Variants in ZNF865 observed in about 807,000 individuals in gnomAD.
ZNF865 encodes zinc finger protein 865.
For synonymous variants in ZNF865, 763 were observed against 750.8 expected (o/e 1.02, Z -0.27); for missense variants, 1,311 against 1,593.4 (o/e 0.82, Z 3.02).
rs1054225781 is a variant in ZNF865, at chr19:55,616,530, A to G, written c.2912A>G (p.Tyr971Cys). 1.3e-6 allele frequency: 2 copies of G among 1,534,540 alleles called. No individual in the cohort carries two copies. Among genetic ancestry groups the G allele is most frequent in the South Asian group, 1.2e-5 (1 of 83,994 alleles). Residue 971 changes from tyrosine to cysteine, a missense_variant, in exon 2 of 2, where the codon TAC becomes TGC. Physicochemically the swap from Tyr to Cys is radical, Grantham distance 194 (BLOSUM62 -2). Transcript: ENST00000568956. The part of the protein sequence containing the change: ...RCEHCGKGFF[Y>C]LSSVLRHQRA... ...GAGCACTGCGGCAAGGGCTTCTTCT[A>G]CCTGAGCTCCGTGCTGCGCCACCAG... is the stretch of plus-strand genomic sequence containing the variant.
Position 55,616,342 on chromosome 19 carries a change from G to C in ZNF865, c.2724G>C (p.Val908=), listed in dbSNP as rs779827469. The change falls in exon 2 of 2, where the codon GTG becomes GTC. Residue 908 remains valine, a synonymous_variant. Coordinates refer to ENST00000568956, the MANE Select transcript of ZNF865 (RefSeq NM_001195605.2). ...GCGAGCGGGCCTTCAAGTGCGGCGT[G>C]TGCGCCAAGCGCTTCGCGCAGTCGT... ...HTGERAFKCG[V]CAKRFAQSSS... 1.4e-5 allele frequency: 22 copies of C among 1,522,682 alleles called. 1 individual carries two copies. In the South Asian group the frequency reaches 2.4e-4, roughly 17 times the overall value. 94.3% of individuals were successfully genotyped at this position (1,522,682 alleles called of 1,614,324 possible).
Position 55,613,865 on chromosome 19 carries a change from T to C in ZNF865, c.247T>C (p.Ser83Pro). The C allele has an allele frequency of 8.3e-7, 1 of 1,198,370 alleles. No homozygotes were observed. Among genetic ancestry groups the C allele is most frequent in the African/African-American group, 1.9e-5 (1 of 51,300 alleles). 74.2% of individuals were successfully genotyped at this position (1,198,370 alleles called of 1,614,324 possible). ...CCCGCAGTATGACTACCCGCCCCAG[T>C]CCACCTTCAAGCCCAAGGCGGAGGT... is the stretch of plus-strand genomic sequence containing the variant. ...PPPQYDYPPQSTFKPKAEVPS... is the reference protein window; with the variant it reads ...PPPQYDYPPQPTFKPKAEVPS... The change falls in exon 2 of 2, where the codon TCC becomes CCC. Residue 83 changes from serine (S) to proline (P), a missense_variant. Transcript: ENST00000568956.
In ZNF865 at chr19:55,613,577, GTCC is replaced by G. The variant is rs947932267; in HGVS notation, c.-26-10_-26-8del. On this transcript the variant is annotated splice_polypyrimidine_tract_variant and intron_variant, in intron 1 of 1. Coordinates refer to ENST00000568956, the MANE Select transcript of ZNF865 (RefSeq NM_001195605.2). ...GCGCCGCGGCCGTGTCCTCAGCCCC[GTCC>G]TCCTCTTCACAGGGTCTCCCGTCTC... 5.4e-4 allele frequency: 802 copies of G among 1,484,040 alleles called. No homozygotes were observed. The highest frequency in any genetic ancestry group is 9.0e-4 in the Admixed American group (40 of 44,604). The allele number at this position is 1,484,040 out of a possible 1,614,324, so 91.9% of individuals were successfully genotyped here. A position where few individuals can be genotyped will look rare whatever the true frequency, so the allele number is the denominator to read the frequency against.
chr19:55,614,513 C>T lies in ZNF865; in HGVS notation c.895C>T (p.Pro299Ser). The T allele has an allele frequency of 7.4e-7, 1 of 1,357,520 alleles. No individual in the cohort carries two copies. The highest frequency in any genetic ancestry group is 9.4e-7 in the Non-Finnish European group (1 of 1,062,496). 84.1% of individuals were successfully genotyped at this position (1,357,520 alleles called of 1,614,324 possible). Residue 299 changes from proline to serine, a missense_variant, in exon 2 of 2, where the codon CCC becomes TCC. Transcript: ENST00000568956. This position sits in a 1 kb window ranked among gnomAD's most constrained non-coding sequence, Gnocchi z 8.0. ...CCTCCCGCCGCTGGGCCTCCCAGCA[C>T]CCGCTGCCAGCGCCGCCACCGCCGC... ...PHLPPLGLPA[P>S]AASAATAAAP... is the part of the protein sequence containing the mutation.
At chr19:55,606,719 G>T (rs1980957586) in intron 1 of ZNF865, among the ~76,000 whole-genome samples, 1 of 152,232 alleles carries the variant, frequency 6.6e-6, no homozygotes, top group East Asian at 1.9e-4. Flanking sequence ...CATTCCTTCT[G>T]CGTTGAACGC....
In ZNF865 at chr19:55,617,134, G is replaced by A. The variant is rs1029668556; in HGVS notation, c.*336G>A. 9 of 183,138 alleles carry A rather than the reference G, an allele frequency of 4.9e-5. No individual in the cohort carries two copies. Among genetic ancestry groups the A allele is most frequent in the African/African-American group, 2.1e-4 (9 of 41,926 alleles). The allele number at this position is 183,138 out of a possible 1,614,324, so 11.3% of individuals were successfully genotyped here. On this transcript the variant is annotated 3_prime_UTR_variant, in exon 2 of 2. Transcript: ENST00000568956. The stretch of plus-strand genomic sequence containing the variant: ...GCCCCTCCCCCTCCTTTGGAATCTG[G>A]CTGGACAGTGGAGTATGAGCAGAGT...
chr19:55,615,849 A>C lies in ZNF865; in HGVS notation c.2231A>C (p.Asp744Ala). 6.7e-7 allele frequency: 1 copy of C among 1,496,492 alleles called. No individual in the cohort carries two copies. Among genetic ancestry groups the C allele is most frequent in the South Asian group, 1.3e-5 (1 of 78,562 alleles). 92.7% of individuals were successfully genotyped at this position (1,496,492 alleles called of 1,614,324 possible). Residue 744 changes from aspartate (D) to alanine (A), a missense_variant, in exon 2 of 2, where the codon GAT (aspartate) becomes GCT (alanine). Coordinates refer to ENST00000568956, the MANE Select transcript of ZNF865 (RefSeq NM_001195605.2). ...LQPPDGSSGT[D>A]AASVLDNGLA... ...CCCCCGGACGGCTCCAGCGGCACGG[A>C]TGCGGCCAGCGTGCTGGACAACGGG... is the stretch of plus-strand genomic sequence containing the variant.
Position 55,614,944 on chromosome 19 carries a change from C to T in ZNF865, c.1326C>T (p.Pro442=). ...AGAGGPRPVY[P]CDLCGKSYSA... ...CCGGGGGGCCTCGGCCCGTGTACCC[C>T]TGCGACCTGTGCGGCAAGTCCTACT... is the stretch of plus-strand genomic sequence containing the variant. Residue 442 remains proline, a synonymous_variant, in exon 2 of 2, where the codon CCC becomes CCT. Coordinates refer to ENST00000568956, the MANE Select transcript of ZNF865 (RefSeq NM_001195605.2). This position sits in a 1 kb window ranked among gnomAD's most constrained non-coding sequence, Gnocchi z 8.0. 1 of 1,480,356 alleles carries T rather than the reference C, an allele frequency of 6.8e-7. No individual in the cohort carries two copies. The highest frequency in any genetic ancestry group is 8.9e-7 in the Non-Finnish European group (1 of 1,122,352). 91.7% of individuals were successfully genotyped at this position (1,480,356 alleles called of 1,614,324 possible).
chr19:55,614,049 C>A lies in ZNF865; in HGVS notation c.431C>A (p.Thr144Asn). The change falls in exon 2 of 2, where the codon ACT becomes AAT. Residue 144 changes from threonine (T) to asparagine (N), a missense_variant. Coordinates refer to ENST00000568956, the MANE Select transcript of ZNF865 (RefSeq NM_001195605.2). The surrounding 1 kb of genome is among the most constrained non-coding windows in gnomAD (Gnocchi z 8.0). Reference sequence around the variant, plus strand: ...CCCCTCTTTGACGCTGCTTTCCCCACTCCGCAGTGGGGCATCGTGGACCTC... The same window carrying A: ...CCCCTCTTTGACGCTGCTTTCCCCAATCCGCAGTGGGGCATCGTGGACCTC... ...PPPLFDAAFP[T>N]PQWGIVDLSG... is the part of the protein sequence containing the mutation. The A allele has an allele frequency of 6.8e-7, 1 of 1,479,844 alleles. No homozygotes were observed. 91.7% of individuals were successfully genotyped at this position (1,479,844 alleles called of 1,614,324 possible). A position where few individuals can be genotyped will look rare whatever the true frequency, so the allele number is the denominator to read the frequency against.
At chr19:55,607,481 G>A (rs1980986709) in intron 1 of ZNF865, among the ~76,000 whole-genome samples, 2 of 151,848 alleles carry the variant, frequency 1.3e-5, no homozygotes, top group South Asian at 2.1e-4. Flanking sequence ...TGGTTGGTGG[G>A]CACCTGTAGT....
chr19:55,616,319 G>C lies in ZNF865; in HGVS notation c.2701G>C (p.Glu901Gln). The C allele has an allele frequency of 6.6e-7, 1 of 1,522,286 alleles. No individual in the cohort carries two copies. Among genetic ancestry groups the C allele is most frequent in the Non-Finnish European group, 8.8e-7 (1 of 1,139,952 alleles). The allele number at this position is 1,522,286 out of a possible 1,614,324, so 94.3% of individuals were successfully genotyped here. A position where few individuals can be genotyped will look rare whatever the true frequency, so the allele number is the denominator to read the frequency against. Reference sequence around the variant, plus strand: ...GCAGCACCGCGTGGTGCACACTGGCGAGCGGGCCTTCAAGTGCGGCGTGTG... The same window carrying C: ...GCAGCACCGCGTGGTGCACACTGGCCAGCGGGCCTTCAAGTGCGGCGTGTG... ...LRQHRVVHTGERAFKCGVCAK... is the reference protein window; with the variant it reads ...LRQHRVVHTGQRAFKCGVCAK... The change falls in exon 2 of 2, where the codon GAG becomes CAG. Residue 901 changes from glutamate (E) to glutamine (Q), a missense_variant. Coordinates refer to ENST00000568956, the MANE Select transcript of ZNF865 (RefSeq NM_001195605.2).
intron 1 of ZNF865, among the ~76,000 whole-genome samples, chr19:55,606,957 GAAC>G (rs1260042721): frequency 1.3e-5 from 2 of 152,190 alleles, no homozygotes; most frequent in Admixed American, 6.5e-5. Flanking sequence ...CAGGCAGCAA[GAAC>G]AACAAGTGCA....
At chr19:55,610,724 T>G (rs1981102923) in intron 1 of ZNF865, among the ~76,000 whole-genome samples, 1 of 152,154 alleles carries the variant, frequency 6.6e-6, no homozygotes, top group African/African-American at 2.4e-5. Flanking sequence ...AGTCCTTGCT[T>G]TCCTAGAGAG....
In ZNF865 at chr19:55,615,136, G is replaced by A. The variant is rs1349477452; in HGVS notation, c.1518G>A (p.Ala506=). Residue 506 remains alanine, a synonymous_variant, in exon 2 of 2, where the codon GCG becomes GCA. Transcript: ENST00000568956. ...PDPPTTDSEK[A]AAAAAAVVYG... ...CTCCCACCACAGACAGCGAGAAGGC[G>A]GCGGCGGCCGCGGCGGCGGTGGTGT... 6 of 1,192,182 alleles carry A rather than the reference G, an allele frequency of 5.0e-6. No individual in the cohort carries two copies. The highest frequency in any genetic ancestry group is 1.6e-5 in the African/African-American group (1 of 60,762). 73.9% of individuals were successfully genotyped at this position (1,192,182 alleles called of 1,614,324 possible).
chr19:55,615,078 T>TGC lies in ZNF865; in HGVS notation c.1460_1461insGC (p.Phe487LeufsTer80). ...TCGGCCCCGCAGCCCCCGCCCACCT[T>TGC]CCCCCCGGGCCCGTACCTCCTGCCC... On this transcript the variant is annotated frameshift_variant, in exon 2 of 2. Transcript: ENST00000568956. LOFTEE classifies it low-confidence loss of function (END_TRUNC). 2.8e-6 allele frequency: 3 copies of TGC among 1,063,440 alleles called. No homozygotes were observed. Among genetic ancestry groups the TGC allele is most frequent in the South Asian group, 3.1e-5 (1 of 32,366 alleles). 65.9% of individuals were successfully genotyped at this position (1,063,440 alleles called of 1,614,324 possible). A position where few individuals can be genotyped will look rare whatever the true frequency, so the allele number is the denominator to read the frequency against.
In ZNF865 at chr19:55,616,783, C is replaced by T. The variant is rs752780717; in HGVS notation, c.3165C>T (p.Ala1055=). The T allele has an allele frequency of 2.5e-5, 36 of 1,443,528 alleles. No individual in the cohort carries two copies. Among genetic ancestry groups the T allele is most frequent in the Non-Finnish European group, 3.2e-5 (35 of 1,104,088 alleles). 89.4% of individuals were successfully genotyped at this position (1,443,528 alleles called of 1,614,324 possible). Residue 1055 remains alanine (A), a synonymous_variant, in exon 2 of 2, where the codon GCC becomes GCT. Transcript: ENST00000568956. The part of the protein sequence containing the change: ...GGPGAGAGTL[A]GKDA ...CTGGAGCAGGGGCGGGCACCTTGGC[C>T]GGGAAGGATGCCTGACCGAGGGGTT...
Position 55,606,435 on chromosome 19 carries a change from G to T in ZNF865, c.-27+703G>T, listed in dbSNP as rs138488379. Among the ~76,000 whole-genome samples the T allele has an allele frequency of 4.5e-3, 680 of 152,092 alleles. 6 individuals carry two copies. The highest frequency in any genetic ancestry group is 4.9e-3 in the Non-Finnish European group (333 of 68,002). On this transcript the variant is annotated intron_variant, in intron 1 of 1. Coordinates refer to ENST00000568956, the MANE Select transcript of ZNF865 (RefSeq NM_001195605.2). ...TCTCCCGCCTCAGGTAGAAATATCC[G>T]CCTGCTTAGCTCCAGGCTCCCATGA...
Position 55,614,281 on chromosome 19 carries a change from G to A in ZNF865, c.663G>A (p.Glu221=), listed in dbSNP as rs1981256354. Residue 221 remains glutamate (E), a synonymous_variant, in exon 2 of 2, where the codon GAG becomes GAA. Coordinates refer to ENST00000568956, the MANE Select transcript of ZNF865 (RefSeq NM_001195605.2). This position sits in a 1 kb window ranked among gnomAD's most constrained non-coding sequence, Gnocchi z 8.0. ...GYFRRLKYLM[E]RRFPCGVCQK... Reference sequence around the variant, plus strand: ...TCCGGAGACTGAAGTACCTGATGGAGCGGCGCTTCCCCTGCGGCGTGTGCC... The same window carrying A: ...TCCGGAGACTGAAGTACCTGATGGAACGGCGCTTCCCCTGCGGCGTGTGCC... 2.0e-6 allele frequency: 3 copies of A among 1,514,646 alleles called. No homozygotes were observed. The highest frequency in any genetic ancestry group is 2.4e-5 in the South Asian group (2 of 81,926). The allele number at this position is 1,514,646 out of a possible 1,614,324, so 93.8% of individuals were successfully genotyped here. A position where few individuals can be genotyped will look rare whatever the true frequency, so the allele number is the denominator to read the frequency against.
chr19:55,610,730 G>T (rs547640514), intron 1 of ZNF865, among the ~76,000 whole-genome samples: 13 of 152,320 alleles, frequency 8.5e-5, no homozygotes, highest in Admixed American at 7.8e-4. Context: ...TGCTTTCCTA[G>T]AGAGGGGCCA....
Sources: gnomAD v4.1 joint callset for allele counts (sites outside exome capture counted in the v4.1 genomes callset) on GRCh38, gnomAD v4.1.1 for gene constraint, Gnocchi (gnomAD v3.1) non-coding constraint, MANE v1.5 for transcripts, NCBI Gene and HGNC (gene_info 2026-07-23, HGNC 2026-07-21) for gene names.